Variants in HNF4A observed in about 807,000 individuals in gnomAD.
The protein encoded by HNF4A is hepatocyte nuclear factor 4 alpha, also known as hepatocyte nuclear factor 4-alpha.
A neutral mutation model predicts 52.4 loss-of-function variants in HNF4A; 15 were observed. The ratio of observed to expected loss-of-function variants is 0.29; its 90% CI spans 0.19 to 0.44. The LOEUF is 0.44. Among genes scored for constraint, HNF4A ranks in the 20% least tolerant of loss-of-function variants. The pLI is 1.00. For synonymous variants in HNF4A, 280 were observed against 264.4 expected (o/e 1.06, Z -0.57); for missense variants, 479 against 647.2 (o/e 0.74, Z 2.82).
chr20:44,427,059 G>T (rs147897654), intron 8 of HNF4A, among the ~76,000 whole-genome samples: 1 of 152,328 alleles, frequency 6.6e-6, no homozygotes, highest in African/African-American at 2.4e-5. Flanking sequence ...TCTTTGTTGT[G>T]TGGGGCTGTC....
In HNF4A at chr20:44,422,767, C is replaced by T. The variant is rs574667404; in HGVS notation, c.893-1251C>T. On this transcript the variant is annotated intron_variant, in intron 7 of 9. Transcript: ENST00000316099. ...CCGTCTTGGCTCACTGCGACCTCCACCTCCCAGTTTCAAGCGATTCTCCCA... is the reference window on the plus strand; with the variant it reads ...CCGTCTTGGCTCACTGCGACCTCCATCTCCCAGTTTCAAGCGATTCTCCCA... 1.9e-3 allele frequency among the ~76,000 whole-genome samples: 290 copies of T among 151,604 alleles called. 3 individuals carry two copies. Among genetic ancestry groups the T allele is most frequent in the South Asian group, 0.016 (75 of 4,798 alleles).
chr20:44,362,397 G>A (rs1246272147), intron 1 of HNF4A, among the ~76,000 whole-genome samples: 3 of 144,334 alleles, frequency 2.1e-5, no homozygotes, highest in East Asian at 2.0e-4. Flanking sequence ...TCCAACCTGG[G>A]CAACAGAGGG....
At chr20:44,373,661 T>G (rs1161778350) in intron 1 of HNF4A, among the ~76,000 whole-genome samples, 2 of 151,926 alleles carry the variant, frequency 1.3e-5, no homozygotes, top group Non-Finnish European at 2.9e-5. Context: ...AGGTAAGAGA[T>G]CAAACTATAC....
chr20:44,431,390 A>G lies in HNF4A; in HGVS notation c.*1725A>G, dbSNP rs1007585323. 2.6e-5 allele frequency: 4 copies of G among 152,398 alleles called. 1 individual carries two copies. 9.4% of individuals were successfully genotyped at this position (152,398 alleles called of 1,614,324 possible). A position where few individuals can be genotyped will look rare whatever the true frequency, so the allele number is the denominator to read the frequency against. ...TGCTGATAAATATTAAGGAGAATTC[A>G]TGACTCTTGACAGCTTTTCTCTCTT... On this transcript the variant is annotated 3_prime_UTR_variant, in exon 10 of 10. Coordinates refer to ENST00000316099, the MANE Select transcript of HNF4A (RefSeq NM_000457.6).
chr20:44,396,979 G>A (rs1291978460), upstream of HNF4A, among the ~76,000 whole-genome samples: 4 of 152,108 alleles, frequency 2.6e-5, no homozygotes, highest in Non-Finnish European at 5.9e-5. Context: ...CACGACAAAC[G>A]ACAAGTTAGA....
intron 7 of HNF4A, among the ~76,000 whole-genome samples, chr20:44,420,275 T>C (rs2063726350): frequency 6.6e-6 from 1 of 151,942 alleles, no homozygotes; most frequent in African/African-American, 2.4e-5. Context: ...GAGGTTGCAG[T>C]GAGCCAAGAT....
chr20:44,358,629 CAAA>C (rs11470384), intron 1 of HNF4A, among the ~76,000 whole-genome samples: 23,867 of 150,652 alleles, frequency 0.16, 2,294 homozygotes, highest in Middle Eastern at 0.26. Flanking sequence ...CAAAACAAAA[CAAA>C]AAAACAAAAA....
chr20:44,381,965 C>A (rs2063159765), intron 1 of HNF4A, among the ~76,000 whole-genome samples: 1 of 152,178 alleles, frequency 6.6e-6, no homozygotes, highest in Non-Finnish European at 1.5e-5. Flanking sequence ...CAGCTACCTG[C>A]CAGGTTTATA....
At chr20:44,357,546 T>C (rs1037981853) in intron 1 of HNF4A, among the ~76,000 whole-genome samples, 2 of 152,156 alleles carry the variant, frequency 1.3e-5, no homozygotes, top group Admixed American at 1.3e-4. Context: ...TCTTAAAGGA[T>C]GATACAATAA....
rs189775223 is a variant in HNF4A at position 44,385,555 on chromosome 20, G to A, written c.50-20503G>A. Among the ~76,000 whole-genome samples, 55 of 149,470 alleles carry A rather than the reference G, an allele frequency of 3.7e-4. 1 individual carries two copies. Among genetic ancestry groups the A allele is most frequent in the African/African-American group, 1.3e-3 (54 of 40,680 alleles). On this transcript the variant is annotated intron_variant, in intron 1 of 9. Coordinates refer to the HNF4A transcript ENST00000316673. ...CTGATCTCTTCTCACTGCAACCTCC[G>A]CCTCCCAGGTTCAAGCAATTCTCCT...
At chr20:44,393,193 T>C (rs1182039525) in intron 1 of HNF4A, among the ~76,000 whole-genome samples, 2 of 152,094 alleles carry the variant, frequency 1.3e-5, no homozygotes, top group Admixed American at 1.3e-4. Context: ...CGCATCTAAT[T>C]CCCAAGGTCA....
chr20:44,378,918 C>CA lies in HNF4A; in HGVS notation c.49+23081dup, dbSNP rs61103959. Among the ~76,000 whole-genome samples the CA allele has an allele frequency of 7.0e-3, 907 of 129,186 alleles. 10 individuals are homozygous for CA. The highest frequency in any genetic ancestry group is 0.023 in the African/African-American group (810 of 35,682). The allele number at this position is 129,186 out of a possible 152,430, so 84.8% of individuals were successfully genotyped here. A position where few individuals can be genotyped will look rare whatever the true frequency, so the allele number is the denominator to read the frequency against. The stretch of plus-strand genomic sequence containing the variant: ...TGGGCCACAGAGAGAGACCCCGTCT[C>CA]AAAAAAAAAAAAAAAAGAAAAGAAA... On this transcript the variant is annotated intron_variant, in intron 1 of 9. Coordinates refer to the HNF4A transcript ENST00000316673.
intron 1 of HNF4A, among the ~76,000 whole-genome samples, chr20:44,361,202 A>C (rs2062913245): frequency 1.3e-5 from 2 of 152,022 alleles, no homozygotes; most frequent in Admixed American, 1.3e-4. Context: ...TTTTAAAACA[A>C]TTTTGGGGCT....
intron 8 of HNF4A, among the ~76,000 whole-genome samples, chr20:44,427,861 G>A (rs893897339): frequency 3.3e-5 from 5 of 152,182 alleles, no homozygotes; most frequent in African/African-American, 9.7e-5. Flanking sequence ...AAGCAACAAC[G>A]TGAGCAGAAG....
intron 1 of HNF4A, among the ~76,000 whole-genome samples, chr20:44,379,869 G>T (rs948010219): frequency 2.0e-5 from 3 of 151,910 alleles, no homozygotes; most frequent in Non-Finnish European, 4.4e-5. Flanking sequence ...GAGTAGCTGG[G>T]ATTACAGATG....
chr20:44,390,749 G>C (rs1003322694), intron 1 of HNF4A: 1 of 684,446 alleles, frequency 1.5e-6, no homozygotes. Context: ...AGAACCAAGG[G>C]GGAGGATTCC....
intron 3 of HNF4A, among the ~76,000 whole-genome samples, chr20:44,412,951 C>T (rs6093978): frequency 0.34 from 52,010 of 152,064 alleles, 9,099 homozygotes; most frequent in Middle Eastern, 0.43. Context: ...GCTTCAACCT[C>T]CCTCCTTTCT....
chr20:44,362,800 A>G (rs986874325), intron 1 of HNF4A, among the ~76,000 whole-genome samples: 7 of 151,644 alleles, frequency 4.6e-5, no homozygotes, highest in African/African-American at 1.7e-4. Context: ...ACCACCTTCT[A>G]CCACCTACTA....
At chr20:44,418,075 T>G (rs557624007) in intron 5 of HNF4A, among the ~76,000 whole-genome samples, 2 of 152,046 alleles carry the variant, frequency 1.3e-5, no homozygotes, top group East Asian at 3.9e-4. Flanking sequence ...TGGAACTTTT[T>G]GGGATCATAG....
Sources: gnomAD v4.1 joint callset for allele counts (sites outside exome capture counted in the v4.1 genomes callset) on GRCh38, gnomAD v4.1.1 for gene constraint, MANE v1.5 for transcripts, NCBI Gene and HGNC (gene_info 2026-07-23, HGNC 2026-07-21) for gene names.